The following CDC45 variants were observed in gnomAD, a reference collection of about 807,000 sequenced individuals.
CDC45 encodes cell division control protein 45 homolog.
A neutral mutation model predicts 77.8 loss-of-function variants in CDC45; 54 were observed. The ratio of observed to expected loss-of-function variants is 0.69; its 90% CI spans 0.56 to 0.87. The LOEUF (loss-of-function observed/expected upper bound fraction) is 0.87, where lower values mean the gene tolerates loss of function less well. Ranked by LOEUF, CDC45 falls within the 40% of genes least tolerant of loss-of-function variation. CDC45 has a pLI of 0.00. For missense variants in CDC45, 649 were observed against 721.6 expected (o/e 0.90, Z 1.15); for synonymous variants, 260 against 272.1 (o/e 0.96, Z 0.44).
intron 5 of CDC45, among the ~76,000 whole-genome samples, chr22:19,489,967 G>A (rs962873764): frequency 3.9e-5 from 6 of 152,148 alleles, no homozygotes; most frequent in Admixed American, 6.5e-5. Flanking sequence ...TCTCTTGTGC[G>A]CACACATTTA....
intron 18 of CDC45, among the ~76,000 whole-genome samples, chr22:19,519,577 G>T (rs1188005021): frequency 1.3e-5 from 2 of 152,228 alleles, no homozygotes; most frequent in Non-Finnish European, 2.9e-5. Flanking sequence ...GCCACATCCA[G>T]CCCTGCATCT....
rs13447211 is a variant in CDC45 at position 19,493,632 on chromosome 22, C to T, written c.487-695C>T. Among the ~76,000 whole-genome samples the T allele has an allele frequency of 3.8e-3, 584 of 152,110 alleles. 22 individuals carry two copies. In the East Asian group the frequency reaches 0.069, roughly 18 times the overall value. ...CTAATTTTTGTATTTTAAGTAGAGA[C>T]GGGGTTTTACCATGTTGGCCAGGCT... On this transcript the variant is annotated intron_variant, in intron 5 of 18. Coordinates refer to ENST00000263201, the MANE Select transcript of CDC45 (RefSeq NM_003504.5).
intron 5 of CDC45, among the ~76,000 whole-genome samples, chr22:19,491,307 T>TC (rs2090150102): frequency 6.6e-6 from 1 of 152,180 alleles, no homozygotes; most frequent in Admixed American, 6.5e-5. Flanking sequence ...ATTTTTTTCT[T>TC]CCTTTCCAGT....
At chr22:19,502,963 G>A (rs1275733439) in intron 9 of CDC45, among the ~76,000 whole-genome samples, 1 of 151,984 alleles carries the variant, frequency 6.6e-6, no homozygotes, top group African/African-American at 2.4e-5. Context: ...TGGGAGGATT[G>A]CAGGAATCCA....
At chr22:19,486,302 A>G (rs1289582186) in intron 5 of CDC45, among the ~76,000 whole-genome samples, 1 of 152,254 alleles carries the variant, frequency 6.6e-6, no homozygotes, top group Admixed American at 6.5e-5. Flanking sequence ...TCCTAATATC[A>G]TGTAATATTC....
intron 13 of CDC45, among the ~76,000 whole-genome samples, chr22:19,511,526 T>C (rs1933511301): frequency 1.3e-5 from 2 of 152,096 alleles, no homozygotes; most frequent in South Asian, 4.2e-4. Flanking sequence ...GATGAGATCT[T>C]ACCATGTTGC....
rs1188896122 is a variant in CDC45, at chr22:19,494,552, C to T, written c.542+170C>T. ...TGGCCGCTGCATTGGAGAAGAGCTC[C>T]AGGTTGTTCGCCGGTCCCATGAGTG... On this transcript the variant is annotated intron_variant, in intron 6 of 18. Transcript: ENST00000263201. The T allele has an allele frequency of 1.3e-6, 2 of 1,550,532 alleles. No homozygotes were observed. The highest frequency in any genetic ancestry group is 1.7e-4 in the Middle Eastern group (1 of 5,984).
intron 3 of CDC45, among the ~76,000 whole-genome samples, chr22:19,481,292 C>G (rs1021231083): frequency 1.3e-5 from 2 of 152,128 alleles, no homozygotes; most frequent in Non-Finnish European, 2.9e-5. Flanking sequence ...ACTTGTTTTG[C>G]AGAAATTTGA....
chr22:19,497,478 G>A (rs555828009), intron 8 of CDC45, 31 bp downstream of exon 8: 7 of 1,595,954 alleles, frequency 4.4e-6, no homozygotes, highest in Non-Finnish European at 6.0e-6. Context: ...CTGTGTGGGA[G>A]TATTTGTTGC....
chr22:19,508,927 A>G (rs1933364688), intron 13 of CDC45, among the ~76,000 whole-genome samples: 2 of 151,838 alleles, frequency 1.3e-5, no homozygotes, highest in South Asian at 4.1e-4. Flanking sequence ...TTTGATTTTT[A>G]AAATTTTCTC....
In CDC45 at chr22:19,516,831, C is replaced by T. The variant is rs1420527128; in HGVS notation, c.1574C>T (p.Ala525Val). Residue 525 changes from alanine (A) to valine (V), a missense_variant, in exon 17 of 19, where the codon GCG becomes GTG. Ala to Val is a moderately conservative substitution (Grantham distance 64). Transcript: ENST00000263201. ...SSDRKNFFGR[A>V]FEKAAESTSS... is the part of the protein sequence containing the mutation. ...TGTGTCAGCAGCTTTTTTGGGAGGG[C>T]GTTTGAGAAGGCAGCGGAAAGCACC... is the stretch of plus-strand genomic sequence containing the variant. 13 of 1,614,014 alleles carry T rather than the reference C, an allele frequency of 8.1e-6. No homozygotes were observed. The highest frequency in any genetic ancestry group is 2.2e-5 in the East Asian group (1 of 44,882).
intron 15 of CDC45, among the ~76,000 whole-genome samples, chr22:19,515,614 A>G (rs1933744310): frequency 6.6e-6 from 1 of 152,212 alleles, no homozygotes. Context: ...GCTAACAGGA[A>G]GTTGAACTTT....
At chr22:19,502,415 G>T (rs1932931197) in intron 9 of CDC45, among the ~76,000 whole-genome samples, 1 of 152,164 alleles carries the variant, frequency 6.6e-6, no homozygotes, top group Non-Finnish European at 1.5e-5. Context: ...CTTTGTTTAT[G>T]AGCACTCATT....
At chr22:19,511,393 C>T (rs1254857435) in intron 13 of CDC45, among the ~76,000 whole-genome samples, 1 of 142,712 alleles carries the variant, frequency 7.0e-6, no homozygotes, top group Non-Finnish European at 1.5e-5. Context: ...TGCAGTGGTG[C>T]AGTCATGGCT....
chr22:19,505,333 G>A, intron 9 of CDC45, 29 bp from the exon 10 acceptor site: 1 of 1,613,994 alleles, frequency 6.2e-7, no homozygotes, highest in Non-Finnish European at 8.5e-7. Flanking sequence ...GAGGGAACCA[G>A]CCGAGGCTTG....
Position 19,516,654 on chromosome 22 carries a change from C to T in CDC45, c.1559+9C>T. On this transcript the variant is annotated intron_variant, in intron 16 of 18. Transcript: ENST00000263201. ...AGCTCGGACAGGAAGAAGTGAGCAG[C>T]TTCCACTCGTCCTGGGACTGGAGGG... 1 of 1,605,482 alleles carries T rather than the reference C, an allele frequency of 6.2e-7. No homozygotes were observed. Among genetic ancestry groups the T allele is most frequent in the African/African-American group, 1.3e-5 (1 of 74,636 alleles).
chr22:19,518,535 GC>G (rs555259421), intron 17 of CDC45, among the ~76,000 whole-genome samples: 32 of 152,350 alleles, frequency 2.1e-4, no homozygotes, highest in Admixed American at 2.1e-3. Flanking sequence ...GGGGGTTCAT[GC>G]CAGCTGGGGT....
chr22:19,511,329 CTTT>C (rs374439054), intron 13 of CDC45, among the ~76,000 whole-genome samples: 13 of 126,306 alleles, frequency 1.0e-4, no homozygotes, highest in African/African-American at 9.1e-5. Flanking sequence ...AGTCCTTTGT[CTTT>C]TTTTTTTTTT....
intron 9 of CDC45, among the ~76,000 whole-genome samples, chr22:19,500,473 T>C (rs1039481278): frequency 6.6e-6 from 1 of 152,196 alleles, no homozygotes; most frequent in Admixed American, 6.5e-5. Flanking sequence ...ATGTAGACCC[T>C]GTCACAAGAT....
Sources: gnomAD v4.1 joint callset for allele counts (sites outside exome capture counted in the v4.1 genomes callset) on GRCh38, gnomAD v4.1.1 for gene constraint, MANE v1.5 for transcripts, NCBI Gene and HGNC (gene_info 2026-07-23, HGNC 2026-07-21) for gene names.